OSTN: variants seen among roughly 807,000 people sequenced by gnomAD.
OSTN encodes the protein osteocrin.
OSTN carries 9 observed loss-of-function variants against 12.0 expected under a neutral mutation model. The observed-to-expected ratio is 0.75, with a 90% CI of 0.45 to 1.30. OSTN has a LOEUF of 1.30. Ranked by LOEUF, OSTN falls within the 50% of genes most tolerant of loss-of-function variation. OSTN has a pLI of 0.00. For missense variants in OSTN, 148 were observed against 152.3 expected, an observed-to-expected ratio of 0.97 and a Z score of 0.15; for synonymous variants, 59 against 56.9, an observed-to-expected ratio of 1.04 and a Z score of -0.16.
At chr3:191,210,446 A>G (rs1380833280) in intron 1 of OSTN, among the ~76,000 whole-genome samples, 1 of 152,248 alleles carries the variant, frequency 6.6e-6, no homozygotes, top group African/African-American at 2.4e-5. Flanking sequence ...TATTAAGGAA[A>G]TATTTAGTGA....
At position 191,264,036 on chromosome 3, in the gene OSTN, C is replaced by T. The variant is rs1287174110; in HGVS notation, c.*1183C>T. The T allele has an allele frequency of 6.6e-6, 1 of 152,052 alleles. No homozygotes were observed. Among genetic ancestry groups the T allele is most frequent in the Non-Finnish European group, 1.5e-5 (1 of 67,974 alleles). 9.4% of individuals were successfully genotyped at this position (152,052 alleles called of 1,614,324 possible). A position where few individuals can be genotyped will look rare whatever the true frequency, so the allele number is the denominator to read the frequency against. On this transcript the variant is annotated 3_prime_UTR_variant, in exon 5 of 5. Coordinates refer to ENST00000682035, the MANE Select transcript of OSTN (RefSeq NM_198184.2). ...CATCGAAAAACACTTCCTCTGTAAACCCTAAAAATCACTGTCTGATACGTG... is the reference window on the plus strand; with the variant it reads ...CATCGAAAAACACTTCCTCTGTAAATCCTAAAAATCACTGTCTGATACGTG...
intron 3 of OSTN, among the ~76,000 whole-genome samples, chr3:191,245,582 A>T (rs549821350): frequency 3.3e-5 from 5 of 152,172 alleles, no homozygotes; most frequent in Non-Finnish European, 7.4e-5. Flanking sequence ...GAAAGAAAGG[A>T]AGTAAAACAG....
At chr3:191,208,045 ATCT>A (rs938998589) in intron 1 of OSTN, among the ~76,000 whole-genome samples, 3 of 152,218 alleles carry the variant, frequency 2.0e-5, no homozygotes, top group Admixed American at 1.3e-4. Context: ...TACACAGATA[ATCT>A]TCTTATAAGG....
chr3:191,216,153 C>T (rs1260353564), intron 2 of OSTN, among the ~76,000 whole-genome samples: 1 of 152,202 alleles, frequency 6.6e-6, no homozygotes, highest in Non-Finnish European at 1.5e-5. Flanking sequence ...CAGTGTAAAC[C>T]ACCAAGGCTT....
intron 4 of OSTN, among the ~76,000 whole-genome samples, chr3:191,255,238 G>A (rs973469283): frequency 6.6e-6 from 1 of 152,252 alleles, no homozygotes; most frequent in Non-Finnish European, 1.5e-5. Flanking sequence ...AGAAGGTGGA[G>A]CTCAGGTGGT....
rs550011541 is a variant in OSTN at position 191,244,942 on chromosome 3, A to G, written c.318-5095A>G. Among the ~76,000 whole-genome samples, 3 of 152,234 alleles carry G rather than the reference A, an allele frequency of 2.0e-5. No individual in the cohort carries two copies. In the East Asian group the frequency reaches 5.8e-4, roughly 29 times the overall value. ...AAAACCATGAGTTACTATTTTATCC[A>G]CTTGACCAGTAGTTTTCACTTAAAC... On this transcript the variant is annotated intron_variant, in intron 3 of 4. Coordinates refer to ENST00000682035, the MANE Select transcript of OSTN (RefSeq NM_198184.2).
At chr3:191,242,285 G>C (rs757630275) in intron 3 of OSTN, among the ~76,000 whole-genome samples, 3 of 152,054 alleles carry the variant, frequency 2.0e-5, no homozygotes, top group Non-Finnish European at 4.4e-5. Flanking sequence ...ACCACAAAAA[G>C]GTCTTTTGGA....
At chr3:191,228,169 T>C (rs1714961179) in intron 3 of OSTN, among the ~76,000 whole-genome samples, 1 of 152,224 alleles carries the variant, frequency 6.6e-6, no homozygotes, top group Admixed American at 6.5e-5. Flanking sequence ...AATTGGCTCT[T>C]GAGTTCTTTT....
chr3:191,251,187 T>A (rs200730521), intron 4 of OSTN, among the ~76,000 whole-genome samples: 1 of 143,742 alleles, frequency 7.0e-6, no homozygotes, highest in African/African-American at 2.4e-5. Flanking sequence ...CTTAGAAATA[T>A]TAACTTACAG....
chr3:191,243,856 C>A (rs547456017), intron 3 of OSTN, among the ~76,000 whole-genome samples: 1 of 152,122 alleles, frequency 6.6e-6, no homozygotes, highest in South Asian at 2.1e-4. Context: ...TACTCAATTC[C>A]TTTTAAGTAC....
intron 1 of OSTN, among the ~76,000 whole-genome samples, chr3:191,208,718 A>G (rs1714344298): frequency 1.3e-5 from 2 of 152,270 alleles, no homozygotes; most frequent in Admixed American, 1.3e-4. Context: ...TGTACATAAA[A>G]ATAGTTAAAG....
In OSTN at chr3:191,264,259, A is replaced by T. The variant is rs969095119; in HGVS notation, c.*1406A>T. ...AAGAAACATAACAAAAATATATTAG[A>T]AAAAGAGTTAAACTAAGAAATTGAC... On this transcript the variant is annotated 3_prime_UTR_variant, in exon 5 of 5. Transcript: ENST00000682035. The T allele has an allele frequency of 2.0e-5, 3 of 147,734 alleles. No homozygotes were observed. Among genetic ancestry groups the T allele is most frequent in the Non-Finnish European group, 4.4e-5 (3 of 67,956 alleles). 9.2% of individuals were successfully genotyped at this position (147,734 alleles called of 1,614,324 possible). A position where few individuals can be genotyped will look rare whatever the true frequency, so the allele number is the denominator to read the frequency against.
chr3:191,257,033 T>TA (rs1265136633), intron 4 of OSTN, among the ~76,000 whole-genome samples: 2 of 151,732 alleles, frequency 1.3e-5, no homozygotes, highest in Non-Finnish European at 2.9e-5. Context: ...AAAGTTTTTT[T>TA]AAATTAGTCA....
At chr3:191,220,831 TAA>T (rs1402824106) in intron 3 of OSTN, among the ~76,000 whole-genome samples, 1 of 152,172 alleles carries the variant, frequency 6.6e-6, no homozygotes, top group Non-Finnish European at 1.5e-5. Context: ...TAAATATTTA[TAA>T]ATTTATTATA....
At chr3:191,231,210 A>G (rs139236345) in intron 3 of OSTN, among the ~76,000 whole-genome samples, 1 of 152,300 alleles carries the variant, frequency 6.6e-6, no homozygotes, top group Non-Finnish European at 1.5e-5. Flanking sequence ...GTTATTGCAT[A>G]AAATATTTCT....
At chr3:191,252,057 A>G (rs868316489) in intron 4 of OSTN, among the ~76,000 whole-genome samples, 1 of 151,092 alleles carries the variant, frequency 6.6e-6, no homozygotes, top group Non-Finnish European at 1.5e-5. Context: ...TCATTTTCAT[A>G]TGATTTTTTT....
In OSTN at chr3:191,247,491, G is replaced by GA. The variant is rs554030458; in HGVS notation, c.318-2538dup. ...GAATTGATCAAATTTTTATCTAGGA[G>GA]AAAAAAAAGATCACACATATAGTCG... is the stretch of plus-strand genomic sequence containing the variant. On this transcript the variant is annotated intron_variant, in intron 3 of 4. Transcript: ENST00000682035. Among the ~76,000 whole-genome samples, 112 of 151,574 alleles carry GA rather than the reference G, an allele frequency of 7.4e-4. 1 individual carries two copies. Among genetic ancestry groups the GA allele is most frequent in the African/African-American group, 2.4e-3 (99 of 41,376 alleles).
At chr3:191,227,705 C>T (rs937537742) in intron 3 of OSTN, among the ~76,000 whole-genome samples, 4 of 152,008 alleles carry the variant, frequency 2.6e-5, no homozygotes, top group Non-Finnish European at 5.9e-5. Flanking sequence ...CTTACTGCAT[C>T]CTTTAAGTGA....
chr3:191,232,179 A>T (rs1326449555), intron 3 of OSTN, among the ~76,000 whole-genome samples: 1 of 151,440 alleles, frequency 6.6e-6, no homozygotes, highest in African/African-American at 2.4e-5. Context: ...GAAAATACAA[A>T]AATCAGCCAG....
Sources: gnomAD v4.1 joint callset for allele counts (sites outside exome capture counted in the v4.1 genomes callset) on GRCh38, gnomAD v4.1.1 for gene constraint, MANE v1.5 for transcripts, NCBI Gene and HGNC (gene_info 2026-07-23, HGNC 2026-07-21) for gene names.